Variants in TUSC3 observed in about 807,000 individuals in gnomAD.
TUSC3 encodes dolichyl-diphosphooligosaccharide--protein glycosyltransferase subunit TUSC3.
In TUSC3, 45 loss-of-function variants were observed where a neutral mutation model predicts 44.8. The ratio of observed to expected loss-of-function variants is 1.00; its 90% CI spans 0.79 to 1.29. The LOEUF (loss-of-function observed/expected upper bound fraction) is 1.29. Ranked by LOEUF, TUSC3 falls within the 50% of genes most tolerant of loss-of-function variation. TUSC3 has a pLI of 0.00. For missense variants in TUSC3, 519 were observed against 437.9 expected (o/e 1.19, Z -1.65); for synonymous variants, 212 against 152.9 (o/e 1.39, Z -2.85).
At chr8:15,774,035 A>T in the TUSC3 span, among the ~76,000 whole-genome samples, 2 of 152,196 alleles carry the variant, frequency 1.3e-5, no homozygotes, top group African/African-American at 4.8e-5. Flanking sequence ...ACAAAATAAA[A>T]ATATAACTTA....
At chr8:15,644,282 G>A (rs115284497) in intron 2 of TUSC3, among the ~76,000 whole-genome samples, 1,937 of 152,272 alleles carry the variant, frequency 0.013, 31 homozygotes, top group African/African-American at 0.044. Flanking sequence ...TTGACGCAGC[G>A]TGACTGCCCT....
chr8:15,519,200 ATTCTC>A (rs1563272440), intron 2 of TUSC3, among the ~76,000 whole-genome samples: 1 of 152,158 alleles, frequency 6.6e-6, no homozygotes, highest in African/African-American at 2.4e-5. Context: ...ATCATGTTTT[ATTCTC>A]TTATTTGGCT....
intron 1 of TUSC3, among the ~76,000 whole-genome samples, chr8:15,617,571 A>G (rs561474779): frequency 8.5e-5 from 13 of 152,294 alleles, no homozygotes; most frequent in African/African-American, 2.9e-4. Flanking sequence ...AGCCAGATGT[A>G]TATTTACTTA....
rs149841094 is a variant in TUSC3 at position 15,530,079 on chromosome 8, C to T, written n.189+46596C>T. ...GGATTACAGGCGTGAGCCACCGCGC[C>T]CGGCCGAAAAAGTTTTTTACACTCC... On this transcript the variant is annotated intron_variant and non_coding_transcript_variant, in intron 2 of 5. Transcript: ENST00000503191. 9.5e-3 allele frequency among the ~76,000 whole-genome samples: 1,284 copies of T among 135,116 alleles called. 109 individuals carry two copies. The highest frequency in any genetic ancestry group is 0.039 in the African/African-American group (1,227 of 31,218). The allele number at this position is 135,116 out of a possible 152,430, so 88.6% of individuals were successfully genotyped here.
the TUSC3 span, among the ~76,000 whole-genome samples, chr8:15,773,287 T>C: frequency 6.6e-6 from 1 of 152,186 alleles, no homozygotes; most frequent in Non-Finnish European, 1.5e-5. Context: ...GATACATGGT[T>C]AACATGCAAA....
chr8:15,800,287 G>A, the TUSC3 span, among the ~76,000 whole-genome samples: 1 of 152,130 alleles, frequency 6.6e-6, no homozygotes, highest in African/African-American at 2.4e-5. Context: ...TTTTCTCTCA[G>A]GCTGGGCATG....
At chr8:15,620,974 TTGTG>T (rs1389982998) in intron 1 of TUSC3, among the ~76,000 whole-genome samples, 3 of 147,096 alleles carry the variant, frequency 2.0e-5, no homozygotes, top group Non-Finnish European at 3.1e-5. Flanking sequence ...TATTAAAAGA[TTGTG>T]TGTGGTGTGT....
intron 5 of TUSC3, among the ~76,000 whole-genome samples, chr8:15,670,312 A>G (rs1807888924): frequency 6.6e-6 from 1 of 151,852 alleles, no homozygotes; most frequent in Non-Finnish European, 1.5e-5. Flanking sequence ...ACAGATATCA[A>G]CATTTATTAT....
intron 2 of TUSC3, among the ~76,000 whole-genome samples, chr8:15,532,087 C>T (rs775546515): frequency 6.6e-6 from 1 of 152,044 alleles, no homozygotes; most frequent in Admixed American, 6.6e-5. Context: ...GTCAAATGCA[C>T]CTAAGTTTTT....
intron 5 of TUSC3, among the ~76,000 whole-genome samples, chr8:15,671,884 T>C (rs1452039026): frequency 1.3e-5 from 2 of 152,002 alleles, no homozygotes; most frequent in Non-Finnish European, 2.9e-5. Flanking sequence ...TCAGGATTTC[T>C]AGCTGAGGAT....
chr8:15,616,200 G>A (rs192769335), intron 1 of TUSC3, among the ~76,000 whole-genome samples: 344 of 152,174 alleles, frequency 2.3e-3, no homozygotes, highest in Non-Finnish European at 4.2e-3. Flanking sequence ...TTTCAATAGG[G>A]ACTAATTTCT....
chr8:15,759,750 T>C (rs1282470800), intron 10 of TUSC3, among the ~76,000 whole-genome samples: 2 of 152,142 alleles, frequency 1.3e-5, no homozygotes, highest in Non-Finnish European at 2.9e-5. Context: ...GAATATACAT[T>C]ATCAAGTCCT....
At chr8:15,823,667 G>C in the TUSC3 span, among the ~76,000 whole-genome samples, 1 of 152,084 alleles carries the variant, frequency 6.6e-6, no homozygotes. Flanking sequence ...TAAAATGTTT[G>C]TACATAATTG....
At chr8:15,567,095 A>T (rs1460632718) in intron 1 of TUSC3, among the ~76,000 whole-genome samples, 1 of 152,160 alleles carries the variant, frequency 6.6e-6, no homozygotes, top group African/African-American at 2.4e-5. Flanking sequence ...TTAAGCCACC[A>T]TATCTTTCTG....
chr8:15,794,779 AG>A, the TUSC3 span, among the ~76,000 whole-genome samples: 2 of 152,112 alleles, frequency 1.3e-5, no homozygotes, highest in Admixed American at 1.3e-4. Flanking sequence ...TTTGATCCAC[AG>A]GGGGGAAAAT....
intron 2 of TUSC3, among the ~76,000 whole-genome samples, chr8:15,534,918 G>A (rs918970458): frequency 6.6e-6 from 1 of 152,162 alleles, no homozygotes; most frequent in Non-Finnish European, 1.5e-5. Context: ...TTGAAGTATG[G>A]CCGCTGGGAT....
chr8:15,425,078 A>G (rs1799787197), intron 1 of TUSC3, among the ~76,000 whole-genome samples: 1 of 152,204 alleles, frequency 6.6e-6, no homozygotes, highest in African/African-American at 2.4e-5. Context: ...ATAAAAACTG[A>G]CATCTCTTTA....
intron 1 of TUSC3, among the ~76,000 whole-genome samples, chr8:15,450,226 TTTC>T (rs946518090): frequency 1.3e-5 from 2 of 152,234 alleles, no homozygotes; most frequent in African/African-American, 4.8e-5. Flanking sequence ...TCATTTTTCT[TTTC>T]TTTTTTCTTT....
intron 10 of TUSC3, chr8:15,758,164 G>A: frequency 5.5e-6 from 6 of 1,087,444 alleles, no homozygotes; most frequent in Non-Finnish European, 6.7e-6. Flanking sequence ...AAAAAAGGCA[G>A]TCAACAAATA....
Sources: gnomAD v4.1 joint callset for allele counts (sites outside exome capture counted in the v4.1 genomes callset) on GRCh38, gnomAD v4.1.1 for gene constraint, MANE v1.5 for transcripts, NCBI Gene and HGNC (gene_info 2026-07-23, HGNC 2026-07-21) for gene names.